Variants in SNTG1 observed in about 807,000 individuals in gnomAD.
SNTG1 encodes gamma-1-syntrophin.
SNTG1 carries 39 observed loss-of-function variants against 74.7 expected under a neutral mutation model. The observed-to-expected ratio is 0.52, with a 90% CI of 0.40 to 0.68. The LOEUF is 0.68. Ranked by LOEUF, SNTG1 falls within the 30% of genes least tolerant of loss-of-function variation. The probability of loss-of-function intolerance (pLI) is 0.00; values close to 1 mark genes in which losing one functional copy is unlikely to be tolerated. For missense variants in SNTG1, 685 were observed against 609.5 expected, an observed-to-expected ratio of 1.12 and a Z score of -1.30; for synonymous variants, 254 against 217.1, an observed-to-expected ratio of 1.17 and a Z score of -1.49.
chr8:50,485,470 T>G (rs2093783217), intron 8 of SNTG1, among the ~76,000 whole-genome samples: 1 of 152,214 alleles, frequency 6.6e-6, no homozygotes, highest in African/African-American at 2.4e-5. Flanking sequence ...TAGAACTTCT[T>G]TTGAGAAGTG....
At chr8:50,190,167 A>C (rs1420614846) in intron 2 of SNTG1, among the ~76,000 whole-genome samples, 1 of 152,148 alleles carries the variant, frequency 6.6e-6, no homozygotes, top group African/African-American at 2.4e-5. Context: ...GCCTTTAAGG[A>C]GCTCACAGTC....
chr8:50,651,582 C>T (rs1229114096), intron 13 of SNTG1, among the ~76,000 whole-genome samples: 2 of 151,046 alleles, frequency 1.3e-5, no homozygotes, highest in East Asian at 2.0e-4. Context: ...CTCAGCCTCC[C>T]GAGTAGCTGG....
At chr8:50,250,092 G>A (rs2086580021) in intron 2 of SNTG1, among the ~76,000 whole-genome samples, 2 of 151,712 alleles carry the variant, frequency 1.3e-5, no homozygotes, top group Admixed American at 6.6e-5. Context: ...AAACAATTAT[G>A]ATATGAACGA....
chr8:50,519,681 T>G (rs988227824), intron 9 of SNTG1, among the ~76,000 whole-genome samples: 1 of 152,110 alleles, frequency 6.6e-6, no homozygotes, highest in Non-Finnish European at 1.5e-5. Context: ...GAGAGCCAAA[T>G]CCTAAGTGAA....
In SNTG1 at chr8:49,938,603, T is replaced by TCTTTTCTTTTCTTTCTTTCTTTC. The variant is rs1808347084; in HGVS notation, c.-103+26372_-103+26373insCTTTTCTTTTCTTTCTTTCTTTC. On this transcript the variant is annotated intron_variant, in intron 1 of 18. Coordinates refer to ENST00000642720, the MANE Select transcript of SNTG1 (RefSeq NM_018967.5). ...TTTTCTTTTCTTTTCTTTTCTTTTC[T>TCTTTTCTTTTCTTTCTTTCTTTC]TTTCTTTCTTTCTTTCTTTCTTTCT... Among the ~76,000 whole-genome samples the TCTTTTCTTTTCTTTCTTTCTTTC allele has an allele frequency of 6.4e-4, 48 of 74,754 alleles. 2 individuals are homozygous for TCTTTTCTTTTCTTTCTTTCTTTC. Among genetic ancestry groups the TCTTTTCTTTTCTTTCTTTCTTTC allele is most frequent in the African/African-American group, 2.1e-3 (46 of 22,098 alleles). The allele number at this position is 74,754 out of a possible 152,430, so 49.0% of individuals were successfully genotyped here.
chr8:50,327,018 T>A (rs2090776162), intron 2 of SNTG1, among the ~76,000 whole-genome samples: 1 of 152,168 alleles, frequency 6.6e-6, no homozygotes, highest in Admixed American at 6.5e-5. Flanking sequence ...CTTTCTGTTA[T>A]TGATTTCTAG....
intron 8 of SNTG1, chr8:50,457,836 G>A (rs1362036448): frequency 3.3e-5 from 5 of 152,208 alleles, no homozygotes; most frequent in African/African-American, 1.2e-4. Flanking sequence ...TGAGTATTCA[G>A]CCCCAGGCAC....
At chr8:50,157,457 G>C (rs1243503087) in intron 1 of SNTG1, among the ~76,000 whole-genome samples, 3 of 151,816 alleles carry the variant, frequency 2.0e-5, no homozygotes, top group Non-Finnish European at 4.4e-5. Flanking sequence ...AATTCTTTAA[G>C]GTAAATCTGA....
chr8:50,070,310 C>T (rs1821256381), intron 1 of SNTG1, among the ~76,000 whole-genome samples: 1 of 152,100 alleles, frequency 6.6e-6, no homozygotes. Flanking sequence ...ATTATTGTGG[C>T]TCCCATAATT....
intron 1 of SNTG1, among the ~76,000 whole-genome samples, chr8:50,092,773 A>T (rs1011546124): frequency 6.6e-6 from 1 of 152,180 alleles, no homozygotes; most frequent in African/African-American, 2.4e-5. Flanking sequence ...CAACCATGTT[A>T]CACTGACAAA....
At chr8:50,265,090 C>G (rs1292268863) in intron 2 of SNTG1, among the ~76,000 whole-genome samples, 1 of 151,964 alleles carries the variant, frequency 6.6e-6, no homozygotes, top group Admixed American at 6.6e-5. Context: ...ACATATGATT[C>G]TAAATATTTA....
chr8:50,243,612 C>T (rs1163640125), intron 2 of SNTG1, among the ~76,000 whole-genome samples: 2 of 152,108 alleles, frequency 1.3e-5, no homozygotes, highest in Non-Finnish European at 2.9e-5. Context: ...TTTAACACAA[C>T]ACTTTTTGGG....
intron 1 of SNTG1, among the ~76,000 whole-genome samples, chr8:50,094,793 A>G (rs943192811): frequency 6.6e-6 from 1 of 152,160 alleles, no homozygotes; most frequent in African/African-American, 2.4e-5. Flanking sequence ...GGACCCAGCA[A>G]TCTCATTACT....
At chr8:50,759,779 G>A (rs1220792220) in intron 18 of SNTG1, among the ~76,000 whole-genome samples, 3 of 152,088 alleles carry the variant, frequency 2.0e-5, no homozygotes, top group African/African-American at 7.2e-5. Context: ...AAGGTAGCAT[G>A]ATGCCTCCAG....
chr8:50,014,019 A>G (rs1816075684), intron 1 of SNTG1, among the ~76,000 whole-genome samples: 1 of 152,144 alleles, frequency 6.6e-6, no homozygotes, highest in Admixed American at 6.6e-5. Flanking sequence ...AAAGCCACAG[A>G]ATGTACTGAG....
intron 4 of SNTG1, among the ~76,000 whole-genome samples, chr8:50,433,219 T>A (rs1232122295): frequency 6.6e-6 from 1 of 152,240 alleles, no homozygotes; most frequent in Non-Finnish European, 1.5e-5. Flanking sequence ...TTCTATGAAC[T>A]TGCTATAATT....
chr8:50,102,335 T>C (rs1221490666), intron 1 of SNTG1, among the ~76,000 whole-genome samples: 1 of 152,024 alleles, frequency 6.6e-6, no homozygotes, highest in Admixed American at 6.6e-5. Flanking sequence ...TTTCATGTGT[T>C]TTTTGGCTGC....
intron 2 of SNTG1, among the ~76,000 whole-genome samples, chr8:50,202,489 T>C (rs7001922): frequency 0.1 from 15,417 of 152,182 alleles, 2,494 homozygotes; most frequent in African/African-American, 0.34. Context: ...CTTAGCAATG[T>C]ACAGTGTTTC....
At chr8:50,635,914 C>A (rs2095036168) in intron 13 of SNTG1, among the ~76,000 whole-genome samples, 1 of 152,004 alleles carries the variant, frequency 6.6e-6, no homozygotes, top group South Asian at 2.1e-4. Context: ...GCCAGCAAGG[C>A]TCTGAGTCTT....
Sources: allele counts gnomAD v4.1 joint callset (sites outside exome capture counted in the v4.1 genomes callset), GRCh38; gene constraint gnomAD v4.1.1; transcripts MANE v1.5; gene names NCBI Gene and HGNC (gene_info 2026-07-23, HGNC 2026-07-21).